Variants in CDH18 observed in about 807,000 individuals in gnomAD.
CDH18 encodes cadherin 18, also known as cadherin-18.
Under a neutral mutation model 67.9 loss-of-function variants are expected in CDH18, and 31 were observed. That is an observed-to-expected ratio of 0.46 (90% confidence interval 0.34 to 0.62). The LOEUF is 0.62. Among genes scored for constraint, CDH18 ranks in the 20% least tolerant of loss-of-function variants. The pLI, the probability that CDH18 is intolerant of heterozygous loss-of-function variation, is 0.01. For synonymous variants in CDH18, 362 were observed against 347.2 expected, an observed-to-expected ratio of 1.04 and a Z score of -0.48; for missense variants, 890 against 975.5, an observed-to-expected ratio of 0.91 and a Z score of 1.17.
At chr5:20,000,388 C>T (rs1736351242) in intron 2 of CDH18, among the ~76,000 whole-genome samples, 1 of 151,964 alleles carries the variant, frequency 6.6e-6, no homozygotes, top group Admixed American at 6.6e-5. Context: ...AAATTGGAGA[C>T]ATTTAGAGAA....
intron 3 of CDH18, among the ~76,000 whole-genome samples, chr5:19,781,058 G>GT (rs1329643045): frequency 1.3e-5 from 2 of 151,954 alleles, no homozygotes; most frequent in Middle Eastern, 3.2e-3. Flanking sequence ...TCTAATATGC[G>GT]TAAGGCCAGA....
intron 1 of CDH18, among the ~76,000 whole-genome samples, chr5:20,544,527 T>C (rs1327819699): frequency 6.6e-6 from 1 of 152,004 alleles, no homozygotes; most frequent in East Asian, 1.9e-4. Flanking sequence ...ACAATCATAT[T>C]GGAAGGCAAA....
At position 20,260,831 on chromosome 5, in the gene CDH18, G is replaced by A. The variant is rs114040815; in HGVS notation, c.-579-5326C>T. ...AGCTGAAACTGACATCTGGCTAATA[G>A]CCAGCAGAAGATGGGAAAACTAGTT... On this transcript the variant is annotated intron_variant, in intron 1 of 14. Coordinates refer to the CDH18 transcript ENST00000507958. Among the ~76,000 whole-genome samples the A allele has an allele frequency of 1.0e-3, 156 of 152,326 alleles. 1 individual carries two copies. Among genetic ancestry groups the A allele is most frequent in the African/African-American group, 3.6e-3 (150 of 41,578 alleles).
intron 2 of CDH18, among the ~76,000 whole-genome samples, chr5:19,909,992 G>C (rs1209918071): frequency 6.6e-6 from 1 of 152,060 alleles, no homozygotes; most frequent in Non-Finnish European, 1.5e-5. Context: ...TTTAGTCTGT[G>C]AGTTCATTCT....
At chr5:20,542,121 T>G (rs1489359179) in intron 1 of CDH18, among the ~76,000 whole-genome samples, 2 of 152,150 alleles carry the variant, frequency 1.3e-5, no homozygotes, top group Non-Finnish European at 2.9e-5. Context: ...AATTTTTGTA[T>G]TTTTAATAGA....
chr5:20,413,350 T>C (rs1201432168), intron 1 of CDH18, among the ~76,000 whole-genome samples: 1 of 152,204 alleles, frequency 6.6e-6, no homozygotes, highest in East Asian at 1.9e-4. Context: ...CTGGGTCAAA[T>C]GGTATTTCTA....
At chr5:19,751,431 G>A (rs181940395) in intron 3 of CDH18, among the ~76,000 whole-genome samples, 1 of 152,228 alleles carries the variant, frequency 6.6e-6, no homozygotes, top group East Asian at 1.9e-4. Flanking sequence ...TTCAGTGGAA[G>A]CCAAAAATAA....
chr5:19,605,901 AG>A (rs1349942467), intron 6 of CDH18, among the ~76,000 whole-genome samples: 2 of 152,078 alleles, frequency 1.3e-5, no homozygotes, highest in African/African-American at 4.8e-5. Context: ...CAGGTAAGTG[AG>A]GAAAAAAACA....
chr5:19,507,065 G>T (rs1374630785), intron 10 of CDH18, among the ~76,000 whole-genome samples: 42 of 151,872 alleles, frequency 2.8e-4, no homozygotes, highest in African/African-American at 9.7e-4. Context: ...CAAGAAAAAA[G>T]CAAACAACCC....
At chr5:19,753,405 C>T (rs1336152140) in intron 3 of CDH18, among the ~76,000 whole-genome samples, 1 of 152,088 alleles carries the variant, frequency 6.6e-6, no homozygotes, top group South Asian at 2.1e-4. Context: ...AAAGTCTTAG[C>T]AATAAAATTC....
Position 19,605,363 on chromosome 5 carries a change from T to C in CDH18, c.811+7071A>G, listed in dbSNP as rs551633403. Among the ~76,000 whole-genome samples, 37 of 151,864 alleles carry C rather than the reference T, an allele frequency of 2.4e-4. No homozygotes were observed. In the South Asian group the frequency reaches 7.5e-3, roughly 31 times the overall value. On this transcript the variant is annotated intron_variant, in intron 6 of 12. Transcript: ENST00000382275. Reference sequence around the variant, plus strand: ...TTCAATTATCTTTATAAACTAAATATCATGATGTAAGATAAAAATATTGTG... The same window carrying C: ...TTCAATTATCTTTATAAACTAAATACCATGATGTAAGATAAAAATATTGTG...
At chr5:19,991,294 A>G (rs917149103), upstream of CDH18, among the ~76,000 whole-genome samples, 1 of 152,188 alleles carries the variant, frequency 6.6e-6, no homozygotes, top group African/African-American at 2.4e-5. Flanking sequence ...CTGCACAAAC[A>G]TGGTGCATTG....
intron 3 of CDH18, among the ~76,000 whole-genome samples, chr5:19,825,883 G>A (rs945270933): frequency 2.6e-5 from 4 of 152,092 alleles, no homozygotes; most frequent in African/African-American, 9.7e-5. Context: ...TAACCAGGAT[G>A]AAATAGCTGA....
At chr5:19,802,525 A>G (rs932997157) in intron 3 of CDH18, among the ~76,000 whole-genome samples, 3 of 152,220 alleles carry the variant, frequency 2.0e-5, no homozygotes, top group African/African-American at 7.2e-5. Flanking sequence ...ATAACAAAGT[A>G]AAATTCAAAT....
chr5:20,528,975 C>A (rs369764381), intron 1 of CDH18, among the ~76,000 whole-genome samples: 65 of 148,858 alleles, frequency 4.4e-4, no homozygotes, highest in African/African-American at 1.5e-3. Flanking sequence ...GAAAAAAAAT[C>A]AGTAAAATAG....
intron 1 of CDH18, among the ~76,000 whole-genome samples, chr5:20,465,548 C>T (rs1486231458): frequency 1.3e-5 from 2 of 151,892 alleles, no homozygotes; most frequent in Admixed American, 1.3e-4. Context: ...TTAAATAACA[C>T]ATATCTGAAA....
intron 1 of CDH18, among the ~76,000 whole-genome samples, chr5:20,461,013 C>T (rs1412523180): frequency 6.6e-6 from 1 of 152,150 alleles, no homozygotes; most frequent in Non-Finnish European, 1.5e-5. Context: ...TCAATTTTCT[C>T]TGGGTTAAAA....
At chr5:19,809,252 T>C (rs991019546) in intron 3 of CDH18, among the ~76,000 whole-genome samples, 1 of 152,142 alleles carries the variant, frequency 6.6e-6, no homozygotes, top group Non-Finnish European at 1.5e-5. Context: ...ATGGAGGCCA[T>C]TCCCAACTGT....
intron 2 of CDH18, among the ~76,000 whole-genome samples, chr5:19,998,417 G>A (rs569530345): frequency 8.5e-5 from 13 of 152,272 alleles, no homozygotes; most frequent in African/African-American, 2.2e-4. Context: ...CATTTGTATC[G>A]TCAGGGAGGG....
Sources: gnomAD v4.1 joint callset for allele counts (sites outside exome capture counted in the v4.1 genomes callset) on GRCh38, gnomAD v4.1.1 for gene constraint, MANE v1.5 for transcripts, NCBI Gene and HGNC (gene_info 2026-07-23, HGNC 2026-07-21) for gene names.